ROS1: variants seen among roughly 807,000 people sequenced by gnomAD.
ROS1 encodes proto-oncogene tyrosine-protein kinase ROS.
A neutral mutation model predicts 273.5 loss-of-function variants in ROS1; 263 were observed. That is an observed-to-expected ratio of 0.96 (90% CI 0.87 to 1.06). The LOEUF (loss-of-function observed/expected upper bound fraction) is 1.06, where lower values mean the gene tolerates loss of function less well. Among genes scored for constraint, ROS1 ranks in the 50% least tolerant of loss-of-function variants. The pLI, the probability that ROS1 is intolerant of heterozygous loss-of-function variation, is 0.00. For missense variants in ROS1, 2,833 were observed against 2,751.1 expected, an observed-to-expected ratio of 1.03 and a Z score of -0.67; for synonymous variants, 1,008 against 954.1, an observed-to-expected ratio of 1.06 and a Z score of -1.04.
At chr6:117,425,424 T>G in intron 1 of ROS1, 110 bp downstream of exon 1, 1 of 1,120,726 alleles carries the variant, frequency 8.9e-7, no homozygotes, top group South Asian at 1.8e-5. Flanking sequence ...TTGCCACCAC[T>G]TCTCATAAGA....
intron 1 of ROS1, among the ~76,000 whole-genome samples, chr6:117,423,495 A>G (rs1775909180): frequency 6.6e-6 from 1 of 152,212 alleles, no homozygotes; most frequent in South Asian, 2.1e-4. Context: ...TCTGAAGAGC[A>G]TTAATTGTTT....
chr6:117,374,460 T>C (rs1252617831), intron 18 of ROS1, among the ~76,000 whole-genome samples: 1 of 152,198 alleles, frequency 6.6e-6, no homozygotes, highest in East Asian at 1.9e-4. Flanking sequence ...TCTCTTGCCT[T>C]ATACAAAAAT....
At chr6:117,369,467 A>C (rs918572567) in intron 18 of ROS1, among the ~76,000 whole-genome samples, 75 of 152,064 alleles carry the variant, frequency 4.9e-4, no homozygotes, top group African/African-American at 1.7e-3. Flanking sequence ...CCAGCTACTC[A>C]GGAGGCTGAG....
chr6:117,365,183 A>C lies in ROS1; in HGVS notation c.2980T>G (p.Ser994Ala). ...CCTTCCACAGTAAATACAGGTAAAGAGTGTTGTTCACTAGCCAAGAACTAA... is the reference window on the plus strand; with the variant it reads ...CCTTCCACAGTAAATACAGGTAAAGCGTGTTGTTCACTAGCCAAGAACTAA... ...HSKFLASEQH[S>A]LPVFTVEGLE... is the part of the protein sequence containing the mutation. The change falls in exon 21 of 44, where the codon TCT (serine) becomes GCT (alanine). Residue 994 changes from serine (S) to alanine (A), a missense_variant. Ser to Ala is a moderately conservative substitution (Grantham distance 99, BLOSUM62 1). Coordinates refer to ENST00000368507, the MANE Select transcript of ROS1 (RefSeq NM_001378902.1). 6.2e-7 allele frequency: 1 copy of C among 1,606,022 alleles called. No individual in the cohort carries two copies. Among genetic ancestry groups the C allele is most frequent in the Non-Finnish European group, 8.5e-7 (1 of 1,176,686 alleles).
chr6:117,397,196 G>T (rs529699255), intron 7 of ROS1, 80 bp from the exon 8 acceptor site: 96 of 727,062 alleles, frequency 1.3e-4, no homozygotes, highest in African/African-American at 2.7e-4. Flanking sequence ...AAAAAGTCTT[G>T]TTTTTTTTTT....
At chr6:117,365,974 C>T in intron 19 of ROS1, 102 bp downstream of exon 19, 1 of 1,041,708 alleles carries the variant, frequency 9.6e-7, no homozygotes, top group Non-Finnish European at 1.4e-6. Flanking sequence ...AAACCTTACT[C>T]CTCTTAAAAC....
At chr6:117,331,954 T>C (rs1362908190) in intron 32 of ROS1, among the ~76,000 whole-genome samples, 1 of 152,006 alleles carries the variant, frequency 6.6e-6, no homozygotes, top group African/African-American at 2.4e-5. Flanking sequence ...AATAACCAAA[T>C]AGCATCATGG....
chr6:117,380,500 T>A (rs1409953629), intron 17 of ROS1, among the ~76,000 whole-genome samples: 2 of 150,894 alleles, frequency 1.3e-5, no homozygotes, highest in Non-Finnish European at 3.0e-5. Context: ...ATCTATTGAT[T>A]TTTTTTTTTC....
In ROS1 at chr6:117,352,262, CTGTTTT is replaced by C. The variant is rs570963870; in HGVS notation, c.4303+722_4303+727del. On this transcript the variant is annotated intron_variant, in intron 27 of 43. Coordinates refer to ENST00000368507, the MANE Select transcript of ROS1 (RefSeq NM_001378902.1). ...CGCTGGGCTAATTTTTTTGGCAATACTGTTTTTGTTTTTGTTTGTATGGTTTTTAGA... is the reference window on the plus strand; with the variant it reads ...CGCTGGGCTAATTTTTTTGGCAATACTGTTTTTGTTTGTATGGTTTTTAGA... Among the ~76,000 whole-genome samples, 172 of 152,234 alleles carry C rather than the reference CTGTTTT, an allele frequency of 1.1e-3. 1 individual carries two copies. Among genetic ancestry groups the C allele is most frequent in the African/African-American group, 4.0e-3 (166 of 41,542 alleles).
chr6:117,292,174 G>A (rs1158208684), intron 43 of ROS1, among the ~76,000 whole-genome samples: 2 of 151,964 alleles, frequency 1.3e-5, no homozygotes, highest in South Asian at 2.1e-4. Flanking sequence ...GTTTCACCAT[G>A]TTAGCCAGGA....
intron 7 of ROS1, among the ~76,000 whole-genome samples, chr6:117,398,273 C>T (rs1424160633): frequency 7.2e-6 from 1 of 139,376 alleles, no homozygotes; most frequent in Non-Finnish European, 1.5e-5. Context: ...TCTTCCCCAC[C>T]GAAAAAAAAA....
At chr6:117,371,757 G>T (rs938203748) in intron 18 of ROS1, among the ~76,000 whole-genome samples, 6 of 152,166 alleles carry the variant, frequency 3.9e-5, no homozygotes, top group African/African-American at 1.4e-4. Flanking sequence ...GGCCTTTCAG[G>T]CTGTGTGGGA....
rs760099536 is a variant in ROS1 at position 117,365,563 on chromosome 6, C to T, written c.2958+18G>A. 6 of 1,607,506 alleles carry T rather than the reference C, an allele frequency of 3.7e-6. No individual in the cohort carries two copies. In the Admixed American group the frequency reaches 8.3e-5, roughly 22 times the overall value. On this transcript the variant is annotated intron_variant, in intron 20 of 43. Coordinates refer to ENST00000368507, the MANE Select transcript of ROS1 (RefSeq NM_001378902.1). ...CAGTCTGTTTGGGAAATGAAAGTTA[C>T]TAGAACCAACACCATACCTTAGAAT...
Position 117,366,080 on chromosome 6 carries a change from C to A in ROS1, c.2793G>T (p.Leu931=), listed in dbSNP as rs1157713148. ...FTIIQTSLKP[L]PGNFSFTPKV... The stretch of plus-strand genomic sequence containing the variant: ...AGCAGGAATGAAATACTGTACCTGG[C>A]AGGGGCTTAAGGGATGTCTGAATAA... Residue 931 remains leucine, a synonymous_variant, in exon 19 of 44, where the codon CTG becomes CTT. Coordinates refer to ENST00000368507, the MANE Select transcript of ROS1 (RefSeq NM_001378902.1). The A allele has an allele frequency of 6.2e-7, 1 of 1,611,562 alleles. No individual in the cohort carries two copies. Among genetic ancestry groups the A allele is most frequent in the Admixed American group, 1.7e-5 (1 of 60,012 alleles).
In ROS1 at chr6:117,387,888, C is replaced by T. The variant is rs146800947; in HGVS notation, c.1891G>A (p.Val631Ile). The change falls in exon 14 of 44, where the codon GTA (valine) becomes ATA (isoleucine). Residue 631 changes from valine to isoleucine, a missense_variant. Transcript: ENST00000368507. ...TTCATAGCACTCTGCAGCTCAGGTA[C>T]ATTCAGCATGGTTCCACTTATGTTC... The part of the protein sequence containing the change: ...FLNISGTMLN[V>I]PELQSAMKYK... 6.2e-7 allele frequency: 1 copy of T among 1,614,076 alleles called. No homozygotes were observed. Among genetic ancestry groups the T allele is most frequent in the African/African-American group, 1.3e-5 (1 of 74,928 alleles).
chr6:117,378,054 C>A (rs1210083787), intron 18 of ROS1, among the ~76,000 whole-genome samples: 1 of 152,032 alleles, frequency 6.6e-6, no homozygotes, highest in East Asian at 1.9e-4. Context: ...ATGGAAGAAC[C>A]ACAATTTTCA....
At chr6:117,391,200 G>C (rs1773037796) in intron 12 of ROS1, among the ~76,000 whole-genome samples, 1 of 152,188 alleles carries the variant, frequency 6.6e-6, no homozygotes, top group Admixed American at 6.5e-5. Context: ...ATGTAGCTAT[G>C]TTCTTTTCCC....
chr6:117,396,744 T>C (rs1022708038), intron 8 of ROS1, among the ~76,000 whole-genome samples, 171 bp downstream of exon 8: 3 of 152,190 alleles, frequency 2.0e-5, no homozygotes, highest in Non-Finnish European at 4.4e-5. Context: ...GATGCTATAA[T>C]CTAATAGGCA....
intron 1 of ROS1, among the ~76,000 whole-genome samples, chr6:117,422,110 A>G (rs1326501644): frequency 2.0e-5 from 3 of 152,134 alleles, no homozygotes; most frequent in Non-Finnish European, 2.9e-5. Context: ...TCCCTGCTCA[A>G]TCAATCCTCC....
Sources: gnomAD v4.1 joint callset for allele counts (sites outside exome capture counted in the v4.1 genomes callset) on GRCh38, gnomAD v4.1.1 for gene constraint, MANE v1.5 for transcripts, NCBI Gene and HGNC (gene_info 2026-07-23, HGNC 2026-07-21) for gene names.